Variants in PILRA observed in about 807,000 individuals in gnomAD.
PILRA encodes paired immunoglobin like type 2 receptor alpha.
A neutral mutation model predicts 33.1 loss-of-function variants in PILRA; 37 were observed. The observed-to-expected ratio is 1.12, with a 90% CI of 0.86 to 1.47. The LOEUF (loss-of-function observed/expected upper bound fraction) is 1.47, where lower values mean the gene tolerates loss of function less well. PILRA is among the 40% of genes most tolerant of loss of function. The probability of loss-of-function intolerance (pLI) is 0.00; values close to 1 mark genes in which losing one functional copy is unlikely to be tolerated. For missense variants in PILRA, 312 were observed against 376.2 expected (o/e 0.83, Z 1.41); for synonymous variants, 146 against 149.9 (o/e 0.97, Z 0.19).
chr7:100,383,998 C>G (rs761163701), intron 2 of PILRA, among the ~76,000 whole-genome samples: 1 of 152,006 alleles, frequency 6.6e-6, no homozygotes, highest in African/African-American at 2.4e-5. Flanking sequence ...TATAGGTGAG[C>G]GAAGTCAGAA....
At chr7:100,391,917 A>G (rs868166329) in intron 3 of PILRA, among the ~76,000 whole-genome samples, 1 of 152,298 alleles carries the variant, frequency 6.6e-6, no homozygotes, top group African/African-American at 2.4e-5. Context: ...CTCAGAGTAC[A>G]CATTTACAGT....
Position 100,399,316 on chromosome 7 carries a change from C to G in PILRA, c.733C>G (p.Pro245Ala). Residue 245 changes from proline to alanine, a missense_variant, in exon 5 of 7, where the codon CCA (proline) becomes GCA (alanine). By Grantham distance (27) the Pro-to-Ala change is conservative. Coordinates refer to ENST00000198536, the MANE Select transcript of PILRA (RefSeq NM_013439.3). ...GGAACCCTTCCAAAACACAGAGGAG[C>G]CATATGAGAATATCAGGAATGAAGG... ...AREPFQNTEE[P>A]YENIRNEGQN... The G allele has an allele frequency of 6.2e-7, 1 of 1,612,446 alleles. No individual in the cohort carries two copies. Among genetic ancestry groups the G allele is most frequent in the Non-Finnish European group, 8.5e-7 (1 of 1,178,648 alleles).
At chr7:100,399,497 C>A (rs1791599681) in intron 5 of PILRA, 84 bp from the exon 6 acceptor site, 5 of 1,521,798 alleles carry the variant, frequency 3.3e-6, no homozygotes, top group African/African-American at 2.7e-5. Context: ...TAGCAGATAA[C>A]CTCACTCCTA....
At chr7:100,391,183 TA>T (rs1445299230) in intron 3 of PILRA, among the ~76,000 whole-genome samples, 30 of 140,872 alleles carry the variant, frequency 2.1e-4, no homozygotes, top group African/African-American at 7.4e-4. Context: ...ATAATAATAA[TA>T]ATTATTATTA....
At chr7:100,381,808 G>A (rs1235759801) in intron 2 of PILRA, among the ~76,000 whole-genome samples, 2 of 152,206 alleles carry the variant, frequency 1.3e-5, no homozygotes, top group African/African-American at 4.8e-5. Flanking sequence ...GGGCTTGGCG[G>A]GCCCCGCACT....
chr7:100,372,244 C>T (rs368887382), upstream of PILRA, among the ~76,000 whole-genome samples: 1 of 148,222 alleles, frequency 6.7e-6, no homozygotes, highest in Non-Finnish European at 1.5e-5. Context: ...GGGCCTGGCT[C>T]AGACGGAGGG....
chr7:100,397,465 T>TAGCC (rs1175838739), intron 3 of PILRA, among the ~76,000 whole-genome samples: 1 of 150,178 alleles, frequency 6.7e-6, no homozygotes, highest in Non-Finnish European at 1.5e-5. Flanking sequence ...AGGGCAGACA[T>TAGCC]AGCCGCCACC....
Position 100,374,375 on chromosome 7 carries a change from G to A in PILRA, c.396G>A (p.Arg132=), listed in dbSNP as rs765873300. ...VYFCRVELDT[R]SSGRQQWQSI... is the part of the protein sequence containing the mutation. ...TCTGCCGAGTTGAGCTGGACACACG[G>A]AGCTCAGGGAGGCAGCAGTGGCAGT... The change falls in exon 2 of 7, where the codon CGG becomes CGA. Residue 132 remains arginine, a synonymous_variant. Transcript: ENST00000198536. 1.7e-5 allele frequency: 27 copies of A among 1,614,084 alleles called. No homozygotes were observed. The highest frequency in any genetic ancestry group is 2.2e-5 in the Non-Finnish European group (26 of 1,179,988).
chr7:100,387,247 T>C (rs1244362009), intron 2 of PILRA, among the ~76,000 whole-genome samples: 4 of 152,222 alleles, frequency 2.6e-5, no homozygotes, highest in African/African-American at 9.6e-5. Flanking sequence ...AGAATCTTGC[T>C]CTGTCACCCA....
intron 2 of PILRA, among the ~76,000 whole-genome samples, chr7:100,382,725 C>G (rs1174625657): frequency 6.6e-6 from 1 of 151,996 alleles, no homozygotes; most frequent in Admixed American, 6.6e-5. Flanking sequence ...TTTGCTTTTG[C>G]TTTTTGCACT....
chr7:100,393,162 C>T (rs1015202482), intron 3 of PILRA, among the ~76,000 whole-genome samples: 3 of 152,052 alleles, frequency 2.0e-5, no homozygotes, highest in African/African-American at 7.3e-5. Flanking sequence ...CCCCTGTAAT[C>T]CCAGCTACTT....
intron 2 of PILRA, among the ~76,000 whole-genome samples, chr7:100,380,971 C>CA (rs1262373538): frequency 5.7e-4 from 84 of 146,604 alleles, no homozygotes; most frequent in Admixed American, 2.1e-3. Flanking sequence ...ACTCCATCTC[C>CA]AAAAAAAACA....
intron 2 of PILRA, among the ~76,000 whole-genome samples, chr7:100,388,649 G>A (rs1791309625): frequency 6.6e-6 from 1 of 151,038 alleles, no homozygotes; most frequent in African/African-American, 2.4e-5. Flanking sequence ...GGGAGGCTGA[G>A]GTAGGAGAAT....
At chr7:100,379,793 G>T (rs536172332) in intron 2 of PILRA, among the ~76,000 whole-genome samples, 87 of 151,564 alleles carry the variant, frequency 5.7e-4, no homozygotes, top group African/African-American at 2.1e-3. Context: ...TTTTAAGAAA[G>T]AAATCCTCAA....
chr7:100,378,298 G>A (rs1251219081), intron 2 of PILRA, among the ~76,000 whole-genome samples: 2 of 152,118 alleles, frequency 1.3e-5, no homozygotes, highest in Non-Finnish European at 2.9e-5. Flanking sequence ...GCTGCAATGA[G>A]CTGTGATTTC....
At position 100,373,669 on chromosome 7, in the gene PILRA, C is replaced by CTGCTGCTGCCCCTACTGCCCT; in HGVS notation, c.24_44dup (p.Leu9_Pro15dup). 1 of 1,613,674 alleles carries CTGCTGCTGCCCCTACTGCCCT rather than the reference C, an allele frequency of 6.2e-7. No homozygotes were observed. Among genetic ancestry groups the CTGCTGCTGCCCCTACTGCCCT allele is most frequent in the East Asian group, 2.2e-5 (1 of 44,884 alleles). ...GAAGAACAAGGCCATGGGTCGGCCC[C>CTGCTGCTGCCCCTACTGCCCT]TGCTGCTGCCCCTACTGCCCTTGCT... On this transcript the variant is annotated inframe_insertion, in exon 1 of 7. Coordinates refer to ENST00000198536, the MANE Select transcript of PILRA (RefSeq NM_013439.3).
At chr7:100,377,236 T>C (rs1164747655) in intron 2 of PILRA, among the ~76,000 whole-genome samples, 2 of 87,084 alleles carry the variant, frequency 2.3e-5, no homozygotes, top group East Asian at 2.4e-4. Flanking sequence ...TATTTCTTTT[T>C]TTTTTTTTTT....
intron 2 of PILRA, among the ~76,000 whole-genome samples, chr7:100,384,752 C>A (rs1165184624): frequency 6.6e-6 from 1 of 152,084 alleles, no homozygotes. Flanking sequence ...TGCACTATTG[C>A]GTTCCAGCTT....
At chr7:100,371,380 T>C (rs895615209), upstream of PILRA, among the ~76,000 whole-genome samples, 1 of 152,210 alleles carries the variant, frequency 6.6e-6, no homozygotes, top group African/African-American at 2.4e-5. Flanking sequence ...GTCCTTTGAA[T>C]TACTGTGAGA....
Sources: gnomAD v4.1 joint callset for allele counts (sites outside exome capture counted in the v4.1 genomes callset) on GRCh38, gnomAD v4.1.1 for gene constraint, MANE v1.5 for transcripts, NCBI Gene and HGNC (gene_info 2026-07-23, HGNC 2026-07-21) for gene names.